Variants in WFDC11 observed in about 807,000 individuals in gnomAD.
WFDC11 encodes the protein protein WFDC11.
A neutral mutation model predicts 9.9 loss-of-function variants in WFDC11; 9 were observed. The observed-to-expected ratio is 0.91, with a 90% confidence interval of 0.55 to 1.58. The LOEUF (loss-of-function observed/expected upper bound fraction) is 1.58, where lower values mean the gene tolerates loss of function less well. WFDC11 is among the 40% of genes most tolerant of loss of function. The pLI is 0.00. For synonymous variants in WFDC11, 32 were observed against 33.3 expected (o/e 0.96, Z 0.13); for missense variants, 106 against 101.7 (o/e 1.04, Z -0.18).
chr20:45,655,659 G>A lies in WFDC11; in HGVS notation c.-51-5008C>T, dbSNP rs542045111. Among the ~76,000 whole-genome samples, 5 of 152,304 alleles carry A rather than the reference G, an allele frequency of 3.3e-5. No homozygotes were observed. The South Asian group carries it at 8.3e-4, about 25-fold the overall frequency. ...AGTCAAATTGTCCCTGTTTGCAGAT[G>A]ACATGATTGTATATCTAGAAAACCC... On this transcript the variant is annotated intron_variant, in intron 2 of 4. Transcript: ENST00000324384.
In WFDC11 at chr20:45,651,900, C is replaced by T. The variant is rs564064557; in HGVS notation, c.-51-1249G>A. On this transcript the variant is annotated intron_variant, in intron 2 of 4. Transcript: ENST00000324384. ...AGCGAGGCTGGGGGAGGGGCACCCT[C>T]CATTGCCGAGGTTTGAGTAGGTAAA... Among the ~76,000 whole-genome samples the T allele has an allele frequency of 2.0e-5, 3 of 152,298 alleles. No homozygotes were observed. In the South Asian group the frequency reaches 6.2e-4, roughly 32 times the overall value.
At position 45,648,639 on chromosome 20, in the gene WFDC11, G is replaced by A. The variant is rs1982732416; in HGVS notation, c.*80C>T. 6 of 1,482,450 alleles carry A rather than the reference G, an allele frequency of 4.0e-6. No individual in the cohort carries two copies. Among genetic ancestry groups the A allele is most frequent in the Non-Finnish European group, 5.6e-6 (6 of 1,069,470 alleles). 91.8% of individuals were successfully genotyped at this position (1,482,450 alleles called of 1,614,324 possible). On this transcript the variant is annotated 3_prime_UTR_variant, in exon 5 of 5. Coordinates refer to ENST00000324384, the MANE Select transcript of WFDC11 (RefSeq NM_147197.2). The stretch of plus-strand genomic sequence containing the variant: ...TAAAAATAGACTGGTGTTCCTAAAA[G>A]TAGCCACAGGGTACTACTATGAGAC...
At position 45,654,038 on chromosome 20, in the gene WFDC11, C is replaced by A. The variant is rs1353859707; in HGVS notation, c.-51-3387G>T. 5.3e-5 allele frequency among the ~76,000 whole-genome samples: 8 copies of A among 152,236 alleles called. No individual in the cohort carries two copies. In the South Asian group the frequency reaches 1.7e-3, roughly 32 times the overall value. ...ACAGACCAACAAGACAGAAAGTTAA[C>A]AAGGATTTCCAGGAATTGAACTCAG... On this transcript the variant is annotated intron_variant, in intron 2 of 4. Coordinates refer to ENST00000324384, the MANE Select transcript of WFDC11 (RefSeq NM_147197.2).
intron 2 of WFDC11, among the ~76,000 whole-genome samples, chr20:45,652,964 C>T (rs1301214064): frequency 6.6e-6 from 1 of 152,112 alleles, no homozygotes; most frequent in Non-Finnish European, 1.5e-5. Context: ...GATTGGTGTA[C>T]CTGAAAGTGA....
chr20:45,657,153 A>G (rs1982951863), intron 2 of WFDC11, among the ~76,000 whole-genome samples: 1 of 152,176 alleles, frequency 6.6e-6, no homozygotes, highest in African/African-American at 2.4e-5. Context: ...TTGAGGCACT[A>G]TTCACAATAG....
intron 2 of WFDC11, among the ~76,000 whole-genome samples, chr20:45,661,650 C>T (rs1186712777): frequency 2.0e-5 from 3 of 152,062 alleles, no homozygotes; most frequent in African/African-American, 7.2e-5. Flanking sequence ...AGCCAGTTTT[C>T]CCAGCACCAT....
Position 45,653,772 on chromosome 20 carries a change from G to A in WFDC11, c.-51-3121C>T, listed in dbSNP as rs534430674. On this transcript the variant is annotated intron_variant, in intron 2 of 4. Coordinates refer to ENST00000324384, the MANE Select transcript of WFDC11 (RefSeq NM_147197.2). Reference sequence around the variant, plus strand: ...AAATGGAAAACAAAAAAAGTCAGGGGTTGCAATCCTAGTCTCTGATAAAAC... The same window carrying A: ...AAATGGAAAACAAAAAAAGTCAGGGATTGCAATCCTAGTCTCTGATAAAAC... Among the ~76,000 whole-genome samples the A allele has an allele frequency of 8.1e-4, 123 of 152,216 alleles. 1 individual carries two copies. The highest frequency in any genetic ancestry group is 2.5e-3 in the African/African-American group (103 of 41,534).
intron 2 of WFDC11, among the ~76,000 whole-genome samples, chr20:45,657,781 T>G (rs1342065498): frequency 6.6e-6 from 1 of 152,194 alleles, no homozygotes; most frequent in Non-Finnish European, 1.5e-5. Context: ...TATTCAACAC[T>G]TTATTATAAA....
chr20:45,669,408 G>A (rs1415086141), intron 1 of WFDC11, among the ~76,000 whole-genome samples: 1 of 152,090 alleles, frequency 6.6e-6, no homozygotes, highest in Non-Finnish European at 1.5e-5. Context: ...TAAAAGATAT[G>A]TTTACACTAT....
intron 3 of WFDC11, 129 bp from the exon 4 acceptor site, chr20:45,649,528 G>A: frequency 1.7e-6 from 2 of 1,172,490 alleles, no homozygotes; most frequent in Non-Finnish European, 1.2e-6. Flanking sequence ...ATATCTATTT[G>A]CCTTTTAAGG....
rs756103823 is a variant in WFDC11 at position 45,649,383 on chromosome 20, A to G, written c.117T>C (p.Leu39=). The part of the protein sequence containing the change: ...KKRYDRKELL[L]EECWGKPNVK... ...CATTTGGCTTTCCCCAGCATTCTTCAAGTAACAATTCCTTCCCTGAAATTG... is the reference window on the plus strand; with the variant it reads ...CATTTGGCTTTCCCCAGCATTCTTCGAGTAACAATTCCTTCCCTGAAATTG... Residue 39 remains leucine (L), a synonymous_variant, in exon 4 of 5, where the codon CTT becomes CTC. Transcript: ENST00000324384. 1 of 1,614,008 alleles carries G rather than the reference A, an allele frequency of 6.2e-7. No individual in the cohort carries two copies. The highest frequency in any genetic ancestry group is 8.5e-7 in the Non-Finnish European group (1 of 1,179,994).
At chr20:45,665,199 G>A (rs1292005155) in intron 2 of WFDC11, among the ~76,000 whole-genome samples, 1 of 151,964 alleles carries the variant, frequency 6.6e-6, no homozygotes. Context: ...TCTTCCACTT[G>A]ATGCATTGGC....
chr20:45,650,462 T>A, intron 3 of WFDC11, 39 bp downstream of exon 3: 1 of 1,536,264 alleles, frequency 6.5e-7, no homozygotes, highest in Non-Finnish European at 9.0e-7. Flanking sequence ...AACAAGCTCA[T>A]CCCCCTCCTG....
At chr20:45,661,122 G>A (rs1983052923) in intron 2 of WFDC11, among the ~76,000 whole-genome samples, 1 of 152,182 alleles carries the variant, frequency 6.6e-6, no homozygotes, top group Non-Finnish European at 1.5e-5. Context: ...ACTGGTGTGA[G>A]ATGGTATCCC....
intron 2 of WFDC11, among the ~76,000 whole-genome samples, chr20:45,652,158 G>A (rs758993666): frequency 1.3e-5 from 2 of 152,206 alleles, no homozygotes; most frequent in African/African-American, 4.8e-5. Context: ...CCTGACCCCC[G>A]AGTAGCCTAA....
chr20:45,653,941 G>A (rs1031857883), intron 2 of WFDC11, among the ~76,000 whole-genome samples: 7 of 152,148 alleles, frequency 4.6e-5, no homozygotes, highest in Non-Finnish European at 8.8e-5. Context: ...CAAGTCCTGA[G>A]TGACCTACAA....
chr20:45,648,861 A>C, intron 4 of WFDC11, 122 bp from the exon 5 acceptor site: 1 of 1,090,126 alleles, frequency 9.2e-7, no homozygotes, highest in Non-Finnish European at 1.4e-6. Flanking sequence ...TTAACGTAAC[A>C]ACAGGAGTTG....
intron 3 of WFDC11, among the ~76,000 whole-genome samples, chr20:45,650,229 C>CTT (rs1982772407): frequency 6.6e-6 from 1 of 151,276 alleles, no homozygotes; most frequent in Admixed American, 6.6e-5. Context: ...CACACACACA[C>CTT]ATGTGTTTGT....
At chr20:45,667,402 G>A (rs1983208205) in intron 1 of WFDC11, among the ~76,000 whole-genome samples, 1 of 152,204 alleles carries the variant, frequency 6.6e-6, no homozygotes, top group African/African-American at 2.4e-5. Context: ...ACACACACAA[G>A]TCTGGCTGAT....
Sources: gnomAD v4.1 joint callset for allele counts (sites outside exome capture counted in the v4.1 genomes callset) on GRCh38, gnomAD v4.1.1 for gene constraint, MANE v1.5 for transcripts, NCBI Gene and HGNC (gene_info 2026-07-23, HGNC 2026-07-21) for gene names.